Variants in FGD6 observed in about 807,000 individuals in gnomAD.
FGD6 encodes the protein FYVE, RhoGEF and PH domain-containing protein 6.
In FGD6, 90 loss-of-function variants were observed where a neutral mutation model predicts 149.4. The ratio of observed to expected loss-of-function variants is 0.60; its 90% CI spans 0.51 to 0.72. The LOEUF is 0.72. Among genes scored for constraint, FGD6 ranks in the 30% least tolerant of loss-of-function variants. The pLI is 0.00. For missense variants in FGD6, 1,437 were observed against 1,684.8 expected (o/e 0.85, Z 2.57); for synonymous variants, 527 against 584.0 (o/e 0.90, Z 1.41).
At chr12:95,098,023 C>T (rs1317447333) in intron 14 of FGD6, among the ~76,000 whole-genome samples, 3 of 152,216 alleles carry the variant, frequency 2.0e-5, no homozygotes, top group Non-Finnish European at 2.9e-5. Flanking sequence ...GTCTGCCAGC[C>T]GTGGTCATCT....
At chr12:95,207,060 A>G (rs934152576) in intron 2 of FGD6, among the ~76,000 whole-genome samples, 2 of 150,320 alleles carry the variant, frequency 1.3e-5, no homozygotes, top group African/African-American at 4.9e-5. Context: ...TTTCACCTTG[A>G]ATTGTAGTCC....
intron 9 of FGD6, among the ~76,000 whole-genome samples, chr12:95,110,990 C>CT (rs1473635817): frequency 1.3e-5 from 2 of 151,662 alleles, no homozygotes; most frequent in Non-Finnish European, 2.9e-5. Context: ...GCTCACCACT[C>CT]TTTTTTTCCT....
chr12:95,125,384 G>A (rs1259451722), intron 8 of FGD6, among the ~76,000 whole-genome samples: 1 of 152,142 alleles, frequency 6.6e-6, no homozygotes, highest in Non-Finnish European at 1.5e-5. Context: ...TATAATTCCA[G>A]CACTTTAGGA....
intron 18 of FGD6, among the ~76,000 whole-genome samples, chr12:95,088,102 A>G (rs1877937456): frequency 6.6e-6 from 1 of 152,222 alleles, no homozygotes; most frequent in Non-Finnish European, 1.5e-5. Flanking sequence ...TAGCCACACA[A>G]GAAGATCAAC....
chr12:95,093,896 A>G (rs978394826), intron 15 of FGD6, among the ~76,000 whole-genome samples: 4 of 151,760 alleles, frequency 2.6e-5, no homozygotes, highest in African/African-American at 9.7e-5. Flanking sequence ...ACAGTGGCTC[A>G]TGCCTGTAAT....
chr12:95,134,746 C>A lies in FGD6; in HGVS notation c.3075G>T (p.Leu1025Phe). ...PVQRIPQYRL[L>F]LTDYLKNLIE... Reference sequence around the variant, plus strand: ...AATGCTGGAGAAGCCCACCTGTCAGCAACAGCCTGTACTGGGGGATCCTCT... The same window carrying A: ...AATGCTGGAGAAGCCCACCTGTCAGAAACAGCCTGTACTGGGGGATCCTCT... The change falls in exon 8 of 21, where the codon TTG becomes TTT. Residue 1025 changes from leucine to phenylalanine, a missense_variant. Coordinates refer to ENST00000343958, the MANE Select transcript of FGD6 (RefSeq NM_018351.4). The A allele has an allele frequency of 6.2e-7, 1 of 1,613,584 alleles. No individual in the cohort carries two copies.
intron 2 of FGD6, among the ~76,000 whole-genome samples, chr12:95,187,994 G>A (rs1881491998): frequency 6.6e-6 from 1 of 152,102 alleles, no homozygotes; most frequent in South Asian, 2.1e-4. Context: ...ACCTTTTCAA[G>A]TATGTTTTGA....
At chr12:95,102,081 T>C (rs11107895) in intron 14 of FGD6, among the ~76,000 whole-genome samples, 110,570 of 150,962 alleles carry the variant, frequency 0.73, 40,650 homozygotes, top group African/African-American at 0.78. Context: ...TGAGTGGGGG[T>C]GGATCACCTG....
chr12:95,129,954 G>A (rs7960157), intron 8 of FGD6, among the ~76,000 whole-genome samples: 102,867 of 152,020 alleles, frequency 0.68, 35,003 homozygotes, highest in Middle Eastern at 0.71. Flanking sequence ...GATTACAGGC[G>A]TGAGCCATCA....
chr12:95,177,683 G>A (rs1371462669), intron 2 of FGD6, among the ~76,000 whole-genome samples: 1 of 151,694 alleles, frequency 6.6e-6, no homozygotes, highest in Non-Finnish European at 1.5e-5. Context: ...ACAGAATGAG[G>A]GGAAAAAAAC....
chr12:95,105,103 C>T lies in FGD6; in HGVS notation c.3418-17G>A, dbSNP rs1878569888. On this transcript the variant is annotated splice_polypyrimidine_tract_variant and intron_variant, in intron 13 of 20. Coordinates refer to ENST00000343958, the MANE Select transcript of FGD6 (RefSeq NM_018351.4). ...TTTTCTGACCTGGAAGAAAGCACAACAATTTGAGCCGACTCATCCTACTGA... is the reference window on the plus strand; with the variant it reads ...TTTTCTGACCTGGAAGAAAGCACAATAATTTGAGCCGACTCATCCTACTGA... 1 of 1,591,842 alleles carries T rather than the reference C, an allele frequency of 6.3e-7. No homozygotes were observed. The highest frequency in any genetic ancestry group is 1.9e-5 in the Admixed American group (1 of 53,834).
At chr12:95,131,556 C>A (rs1011220703) in intron 8 of FGD6, among the ~76,000 whole-genome samples, 11 of 152,034 alleles carry the variant, frequency 7.2e-5, no homozygotes, top group Admixed American at 3.3e-4. Flanking sequence ...CTGAAGCAAT[C>A]AGAGATGGCT....
chr12:95,188,683 A>C (rs754542162), intron 2 of FGD6, among the ~76,000 whole-genome samples: 1 of 152,176 alleles, frequency 6.6e-6, no homozygotes, highest in South Asian at 2.1e-4. Context: ...AACTTTTTTT[A>C]AGACAACAAT....
Position 95,140,140 on chromosome 12 carries a change from G to A in FGD6, c.2837+1248C>T, listed in dbSNP as rs1234503522. On this transcript the variant is annotated intron_variant, in intron 6 of 20. Transcript: ENST00000343958. ...TAGAGAAATTTTGAACATGAAAGTA[G>A]GTGATACTATTTTCTTATTCTAATC... Among the ~76,000 whole-genome samples the A allele has an allele frequency of 2.0e-5, 3 of 152,230 alleles. No homozygotes were observed. In the East Asian group the frequency reaches 5.8e-4, roughly 29 times the overall value.
chr12:95,169,498 G>A (rs1252361352), intron 3 of FGD6, among the ~76,000 whole-genome samples: 1 of 152,114 alleles, frequency 6.6e-6, no homozygotes, highest in Admixed American at 6.6e-5. Flanking sequence ...AGGCACAAAC[G>A]CAGAGGAAGG....
At chr12:95,202,897 C>A (rs1175143714) in intron 2 of FGD6, among the ~76,000 whole-genome samples, 1 of 152,182 alleles carries the variant, frequency 6.6e-6, no homozygotes, top group African/African-American at 2.4e-5. Context: ...CTGAAAATAA[C>A]TTACAGGAAA....
At chr12:95,192,077 T>C (rs961351263) in intron 2 of FGD6, among the ~76,000 whole-genome samples, 1 of 152,146 alleles carries the variant, frequency 6.6e-6, no homozygotes, top group Non-Finnish European at 1.5e-5. Context: ...CCAACTAATA[T>C]AAATGCTACA....
At chr12:95,085,709 A>T (rs1877843700) in intron 19 of FGD6, 71 bp downstream of exon 19, 5 of 1,464,004 alleles carry the variant, frequency 3.4e-6, no homozygotes, top group Non-Finnish European at 4.5e-6. Flanking sequence ...ATGGATTTTT[A>T]AAATATTGTA....
In FGD6 at chr12:95,133,120, A is replaced by G. The variant is rs568317889; in HGVS notation, c.3082+1619T>C. On this transcript the variant is annotated intron_variant, in intron 8 of 20. Coordinates refer to ENST00000343958, the MANE Select transcript of FGD6 (RefSeq NM_018351.4). The stretch of plus-strand genomic sequence containing the variant: ...GAAACCTAGTGCCTGATTCATCCTT[A>G]GAAATTTAAATTAAGGGCCAGTTGT... Among the ~76,000 whole-genome samples the G allele has an allele frequency of 1.1e-3, 163 of 152,320 alleles. 2 individuals are homozygous for G. The highest frequency in any genetic ancestry group is 3.7e-3 in the African/African-American group (152 of 41,574).
Sources: gnomAD v4.1 joint callset for allele counts (sites outside exome capture counted in the v4.1 genomes callset) on GRCh38, gnomAD v4.1.1 for gene constraint, MANE v1.5 for transcripts, NCBI Gene and HGNC (gene_info 2026-07-23, HGNC 2026-07-21) for gene names.